The following MYO16 variants were observed in gnomAD, a reference collection of about 807,000 sequenced individuals.
The protein encoded by MYO16 is unconventional myosin-XVI.
In MYO16, 94 loss-of-function variants were observed where a neutral mutation model predicts 205.3. The observed-to-expected ratio is 0.46, with a 90% CI of 0.39 to 0.54. The LOEUF (loss-of-function observed/expected upper bound fraction) is 0.54. Ranked by LOEUF, MYO16 falls within the 20% of genes least tolerant of loss-of-function variation. MYO16 has a pLI of 0.00. For synonymous variants in MYO16, 988 were observed against 954.0 expected (o/e 1.04, Z -0.66); for missense variants, 2,315 against 2,387.5 (o/e 0.97, Z 0.63).
chr13:109,105,405 G>T (rs1208322927), intron 28 of MYO16, among the ~76,000 whole-genome samples: 1 of 152,210 alleles, frequency 6.6e-6, no homozygotes, highest in Admixed American at 6.5e-5. Flanking sequence ...CTGGGAGGTG[G>T]ACGTTGTAGT....
At chr13:108,869,845 T>C (rs1011727823) in intron 12 of MYO16, among the ~76,000 whole-genome samples, 35 of 149,156 alleles carry the variant, frequency 2.3e-4, no homozygotes, top group African/African-American at 7.6e-4. Context: ...GTTTTAAAAA[T>C]ACTCTGTGTA....
intron 2 of MYO16, among the ~76,000 whole-genome samples, chr13:108,688,230 A>G (rs1467899696): frequency 1.3e-5 from 2 of 152,186 alleles, no homozygotes; most frequent in Admixed American, 6.5e-5. Flanking sequence ...AAAAATTACA[A>G]GAGAAACAGA....
intron 4 of MYO16, among the ~76,000 whole-genome samples, chr13:108,736,800 G>T (rs892961312): frequency 4.6e-5 from 7 of 152,116 alleles, no homozygotes; most frequent in African/African-American, 9.7e-5. Context: ...CCATTTGTTT[G>T]TGTCCTCTTA....
At chr13:109,115,253 A>G (rs1048210884) in intron 28 of MYO16, among the ~76,000 whole-genome samples, 1 of 150,710 alleles carries the variant, frequency 6.6e-6, no homozygotes, top group Non-Finnish European at 1.5e-5. Flanking sequence ...AAAAAAAAAA[A>G]AAAAAAAAAA....
chr13:108,646,958 C>T (rs1594172939), intron 1 of MYO16, among the ~76,000 whole-genome samples: 1 of 152,052 alleles, frequency 6.6e-6, no homozygotes, highest in South Asian at 2.1e-4. Context: ...GAAGCATTGT[C>T]AGCGAACACT....
chr13:109,078,802 G>A (rs1445417871), intron 27 of MYO16, among the ~76,000 whole-genome samples: 2 of 152,128 alleles, frequency 1.3e-5, no homozygotes, highest in African/African-American at 4.8e-5. Flanking sequence ...CAAAACAATC[G>A]AGTTTTGTAC....
chr13:109,186,854 C>G (rs1448022176), intron 34 of MYO16, among the ~76,000 whole-genome samples: 1 of 152,120 alleles, frequency 6.6e-6, no homozygotes, highest in Non-Finnish European at 1.5e-5. Flanking sequence ...TAACTTACAA[C>G]TGGGGGAAAC....
chr13:108,895,099 T>A (rs1290155107), intron 14 of MYO16, among the ~76,000 whole-genome samples: 1 of 152,136 alleles, frequency 6.6e-6, no homozygotes, highest in East Asian at 1.9e-4. Context: ...TTATAGAGGA[T>A]GCCACAAGTC....
chr13:108,801,732 CT>C (rs1350428004), intron 6 of MYO16, among the ~76,000 whole-genome samples: 1 of 152,150 alleles, frequency 6.6e-6, no homozygotes, highest in Non-Finnish European at 1.5e-5. Context: ...GAGTTATCAT[CT>C]TCTCATCTTT....
intron 22 of MYO16, among the ~76,000 whole-genome samples, chr13:109,013,107 C>T (rs1420547959): frequency 4.9e-4 from 8 of 16,190 alleles, no homozygotes; most frequent in Non-Finnish European, 1.6e-3. Flanking sequence ...AATGCTACCC[C>T]TCCCCCACCC....
intron 4 of MYO16, among the ~76,000 whole-genome samples, chr13:108,778,576 G>A (rs1415425962): frequency 2.0e-5 from 3 of 152,126 alleles, no homozygotes; most frequent in Non-Finnish European, 4.4e-5. Flanking sequence ...CCAAGATCGC[G>A]CCACTGCACT....
intron 24 of MYO16, among the ~76,000 whole-genome samples, chr13:109,050,546 G>A (rs9587763): frequency 0.062 from 9,446 of 152,184 alleles, 362 homozygotes; most frequent in Middle Eastern, 0.082. Context: ...TTGAAACTAT[G>A]TAAATATTCT....
At chr13:108,785,770 A>C in intron 5 of MYO16, 27 bp downstream of exon 5, 1 of 1,371,270 alleles carries the variant, frequency 7.3e-7, no homozygotes, top group Non-Finnish European at 1.0e-6. Context: ...AAAACCATAG[A>C]AAAAAATAGA....
intron 3 of MYO16, among the ~76,000 whole-genome samples, chr13:108,721,906 C>G (rs993692375): frequency 2.6e-5 from 4 of 152,120 alleles, no homozygotes; most frequent in Admixed American, 6.5e-5. Flanking sequence ...ATGAAGGAAT[C>G]TAGGAGCTTA....
intron 34 of MYO16, among the ~76,000 whole-genome samples, chr13:109,192,118 TTC>T (rs906155384): frequency 1.3e-5 from 2 of 152,238 alleles, no homozygotes; most frequent in Admixed American, 6.5e-5. Flanking sequence ...GACCTGATTT[TTC>T]TCTGATTTTT....
the MYO16 span, among the ~76,000 whole-genome samples, chr13:108,567,849 C>T: frequency 6.6e-6 from 1 of 152,158 alleles, no homozygotes; most frequent in African/African-American, 2.4e-5. Flanking sequence ...ACAGTTACTT[C>T]CTATTTCAAC....
intron 13 of MYO16, among the ~76,000 whole-genome samples, chr13:108,887,378 A>G (rs1157700453): frequency 1.3e-5 from 2 of 152,228 alleles, no homozygotes; most frequent in African/African-American, 4.8e-5. Context: ...AAAACCAAGG[A>G]AGCTCTCCTA....
intron 33 of MYO16, among the ~76,000 whole-genome samples, chr13:109,170,612 T>C (rs1208574251): frequency 2.6e-5 from 4 of 152,026 alleles, no homozygotes; most frequent in Non-Finnish European, 5.9e-5. Flanking sequence ...GTTTTCTGTG[T>C]TTTGAGGCAA....
At chr13:108,999,311 ATCT>A (rs1219111102) in intron 21 of MYO16, among the ~76,000 whole-genome samples, 1 of 152,238 alleles carries the variant, frequency 6.6e-6, no homozygotes, top group African/African-American at 2.4e-5. Context: ...ATCTTAAAGC[ATCT>A]TCTACCCTGT....
Sources: gnomAD v4.1 joint callset for allele counts (sites outside exome capture counted in the v4.1 genomes callset) on GRCh38, gnomAD v4.1.1 for gene constraint, MANE v1.5 for transcripts, NCBI Gene and HGNC (gene_info 2026-07-23, HGNC 2026-07-21) for gene names.